The following BLTP3A variants were observed in gnomAD, a reference collection of about 807,000 sequenced individuals.
BLTP3A encodes the protein ICBP90 binding protein 1.
At chr6:34,846,102 C>T in the BLTP3A span, among the ~76,000 whole-genome samples, 1 of 113,412 alleles carries the variant, frequency 8.8e-6, no homozygotes, top group African/African-American at 3.2e-5. Context: ...CCCCTCCCCT[C>T]CCCTCCCCTC....
chr6:34,835,005 A>G, the BLTP3A span: 1 of 1,138,752 alleles, frequency 8.8e-7, no homozygotes, highest in East Asian at 2.5e-5. Flanking sequence ...GTGTTGCTCA[A>G]CATCCTCTAG....
the BLTP3A span, chr6:34,876,680 G>C: frequency 3.9e-5 from 6 of 152,132 alleles, no homozygotes; most frequent in African/African-American, 1.4e-4. Context: ...CATTACTAAG[G>C]GTTTCAGAGA....
chr6:34,803,896 C>T, the BLTP3A span, among the ~76,000 whole-genome samples: 1 of 152,102 alleles, frequency 6.6e-6, no homozygotes, highest in Non-Finnish European at 1.5e-5. Context: ...ATTTTTCCTT[C>T]TCAGATAAAC....
chr6:34,803,080 G>A, the BLTP3A span, among the ~76,000 whole-genome samples: 2 of 152,026 alleles, frequency 1.3e-5, no homozygotes, highest in Non-Finnish European at 2.9e-5. Context: ...AGCTACTTGG[G>A]GGGCTGAGGT....
At chr6:34,875,114 AGAAG>A in the BLTP3A span, 1 of 152,646 alleles carries the variant, frequency 6.6e-6, no homozygotes, top group Non-Finnish European at 1.5e-5. Flanking sequence ...TCATTGTCTA[AGAAG>A]GGATGCCACC....
At chr6:34,864,757 C>T in the BLTP3A span, among the ~76,000 whole-genome samples, 2 of 151,882 alleles carry the variant, frequency 1.3e-5, no homozygotes, top group African/African-American at 2.4e-5. Flanking sequence ...CACTTGAGGT[C>T]GAGAGTTGGA....
At chr6:34,871,260 T>C in the BLTP3A span, 21 of 1,082,456 alleles carry the variant, frequency 1.9e-5, no homozygotes, top group Non-Finnish European at 2.6e-5. Context: ...GAAATATTAA[T>C]ACATATTTGC....
the BLTP3A span, among the ~76,000 whole-genome samples, chr6:34,811,493 T>G: frequency 6.5e-3 from 990 of 152,180 alleles, 11 homozygotes; most frequent in African/African-American, 0.023. Flanking sequence ...CAACACTTTG[T>G]GAGGCTGAAA....
chr6:34,845,892 C>T, the BLTP3A span, among the ~76,000 whole-genome samples: 38 of 151,908 alleles, frequency 2.5e-4, no homozygotes, highest in East Asian at 2.3e-3. Flanking sequence ...CCACCGCGCC[C>T]GGCCTAATTT....
chr6:34,875,049 C>T, the BLTP3A span: 2 of 152,638 alleles, frequency 1.3e-5, no homozygotes, highest in South Asian at 2.1e-4. Context: ...AGGGCTCTAT[C>T]TCATAGCCTT....
the BLTP3A span, among the ~76,000 whole-genome samples, chr6:34,870,438 G>C: frequency 6.6e-6 from 1 of 152,186 alleles, no homozygotes; most frequent in Non-Finnish European, 1.5e-5. Context: ...GATTAGCATA[G>C]ATCCTGCTTT....
chr6:34,826,405 C>T, the BLTP3A span, among the ~76,000 whole-genome samples: 10 of 148,804 alleles, frequency 6.7e-5, no homozygotes, highest in South Asian at 2.1e-4. Context: ...GTCACCCAGG[C>T]TGGAGTGCGG....
chr6:34,803,242 A>T, the BLTP3A span, among the ~76,000 whole-genome samples: 1 of 152,104 alleles, frequency 6.6e-6, no homozygotes, highest in South Asian at 2.1e-4. Flanking sequence ...TTAAAAAAAA[A>T]AAAGGAATTG....
chr6:34,812,542 C>A, the BLTP3A span, among the ~76,000 whole-genome samples: 2 of 152,126 alleles, frequency 1.3e-5, no homozygotes, highest in East Asian at 3.9e-4. Context: ...ACCATCGTAG[C>A]CCACTGCACC....
chr6:34,814,995 G>A, the BLTP3A span, among the ~76,000 whole-genome samples: 2 of 152,138 alleles, frequency 1.3e-5, no homozygotes, highest in African/African-American at 4.8e-5. Context: ...GGTTCATACT[G>A]CCTCTTCTTG....
the BLTP3A span, chr6:34,857,837 T>A: frequency 6.2e-7 from 1 of 1,614,006 alleles, no homozygotes; most frequent in African/African-American, 1.3e-5. Flanking sequence ...CTTGGAGCAG[T>A]TCAAAGCTAT....
chr6:34,818,813 A>G, the BLTP3A span, among the ~76,000 whole-genome samples: 4 of 152,218 alleles, frequency 2.6e-5, no homozygotes, highest in Non-Finnish European at 5.9e-5. Flanking sequence ...CTGTCATTTA[A>G]AATTTGTTAA....
At chr6:34,814,303 A>G in the BLTP3A span, among the ~76,000 whole-genome samples, 62 of 152,318 alleles carry the variant, frequency 4.1e-4, no homozygotes, top group African/African-American at 1.2e-3. Flanking sequence ...GGCATGAGCC[A>G]CTGTGCCCGA....
the BLTP3A span, among the ~76,000 whole-genome samples, chr6:34,795,146 C>T: frequency 5.3e-5 from 8 of 151,850 alleles, no homozygotes; most frequent in Admixed American, 1.3e-4. Flanking sequence ...TGCAGTGGCG[C>T]GATCATGGCA....
Sources: allele counts gnomAD v4.1 joint callset (sites outside exome capture counted in the v4.1 genomes callset), GRCh38; gene constraint gnomAD v4.1.1; transcripts MANE v1.5; gene names NCBI Gene and HGNC (gene_info 2026-07-23, HGNC 2026-07-21).